The following RNF150 variants were observed in gnomAD, a reference collection of about 807,000 sequenced individuals.
RNF150 encodes ring finger protein 150.
RNF150 carries 24 observed loss-of-function variants against 39.3 expected under a neutral mutation model. The ratio of observed to expected loss-of-function variants is 0.61; its 90% CI spans 0.44 to 0.86. The LOEUF (loss-of-function observed/expected upper bound fraction) is 0.86. Ranked by LOEUF, RNF150 falls within the 40% of genes least tolerant of loss-of-function variation. The probability of loss-of-function intolerance (pLI) is 0.00; values close to 1 mark genes in which losing one functional copy is unlikely to be tolerated. For missense variants in RNF150, 502 were observed against 587.8 expected, an observed-to-expected ratio of 0.85 and a Z score of 1.51; for synonymous variants, 255 against 227.3, an observed-to-expected ratio of 1.12 and a Z score of -1.10.
chr4:141,094,822 T>C (rs1200187527), intron 1 of RNF150, among the ~76,000 whole-genome samples: 3 of 152,250 alleles, frequency 2.0e-5, no homozygotes, highest in African/African-American at 4.8e-5. Flanking sequence ...TCATCAAGCA[T>C]TGGTAAACAT....
chr4:140,903,573 A>G (rs1246566143), intron 6 of RNF150, among the ~76,000 whole-genome samples: 2 of 152,206 alleles, frequency 1.3e-5, no homozygotes, highest in African/African-American at 4.8e-5. Flanking sequence ...ATCCATGCAC[A>G]GTGTGTCAGT....
intron 5 of RNF150, among the ~76,000 whole-genome samples, chr4:140,918,857 C>T (rs192982454): frequency 6.6e-6 from 1 of 152,166 alleles, no homozygotes; most frequent in Non-Finnish European, 1.5e-5. Context: ...GGGCTTCATC[C>T]CTGGGATGAA....
rs553125651 is a variant in RNF150 at position 141,166,486 on chromosome 4, C to T, written c.-6+46308G>A. On this transcript the variant is annotated intron_variant, in intron 1 of 7. Coordinates refer to the RNF150 transcript ENST00000420921. ...ATACCAAAACCTGGCAGAGACACAA[C>T]AGAAAAAGAAAATTTCAGGCTAATA... 8.0e-4 allele frequency among the ~76,000 whole-genome samples: 122 copies of T among 152,216 alleles called. 1 individual carries two copies. Among genetic ancestry groups the T allele is most frequent in the African/African-American group, 2.9e-3 (120 of 41,536 alleles).
intron 1 of RNF150, among the ~76,000 whole-genome samples, chr4:141,090,761 C>CCCTGCT (rs1738549190): frequency 6.6e-6 from 1 of 151,958 alleles, no homozygotes; most frequent in African/African-American, 2.4e-5. Flanking sequence ...GCTGCTCAGC[C>CCCTGCT]CCTGGTGATT....
chr4:141,160,108 T>A (rs753133070), intron 1 of RNF150, among the ~76,000 whole-genome samples: 5 of 152,168 alleles, frequency 3.3e-5, no homozygotes, highest in African/African-American at 1.2e-4. Context: ...ACTGAGCTGG[T>A]TCAGCAATCT....
chr4:141,123,419 C>G (rs1418407337), intron 1 of RNF150, among the ~76,000 whole-genome samples: 1 of 152,206 alleles, frequency 6.6e-6, no homozygotes, highest in African/African-American at 2.4e-5. Context: ...AAGCCAGCAT[C>G]TGGTTCCAGG....
chr4:141,100,036 C>G (rs906362345), intron 1 of RNF150, among the ~76,000 whole-genome samples: 1 of 152,106 alleles, frequency 6.6e-6, no homozygotes, highest in Admixed American at 6.5e-5. Context: ...AACTGATAAA[C>G]ATGAAAATAT....
chr4:140,908,446 G>T (rs966121304), intron 6 of RNF150, among the ~76,000 whole-genome samples: 1 of 152,150 alleles, frequency 6.6e-6, no homozygotes, highest in African/African-American at 2.4e-5. Flanking sequence ...GAAACTGATA[G>T]CCATATTCAT....
chr4:140,930,885 C>T (rs1731605449), intron 4 of RNF150, among the ~76,000 whole-genome samples: 1 of 151,384 alleles, frequency 6.6e-6, no homozygotes, highest in South Asian at 2.1e-4. Flanking sequence ...GCATCACAGT[C>T]ATTTAGCGAT....
At chr4:140,929,260 C>T (rs1298508020) in intron 4 of RNF150, among the ~76,000 whole-genome samples, 3 of 151,984 alleles carry the variant, frequency 2.0e-5, no homozygotes, top group African/African-American at 7.2e-5. Context: ...AAGCCTTCCC[C>T]AGAGTCTCTG....
At chr4:141,087,184 C>T (rs922334615) in intron 1 of RNF150, among the ~76,000 whole-genome samples, 5 of 152,046 alleles carry the variant, frequency 3.3e-5, no homozygotes, top group South Asian at 2.1e-4. Context: ...TGTTGCCTTG[C>T]GTTCATAAGT....
intron 4 of RNF150, among the ~76,000 whole-genome samples, chr4:140,927,481 C>A (rs1052818459): frequency 6.6e-6 from 1 of 151,940 alleles, no homozygotes; most frequent in African/African-American, 2.4e-5. Context: ...TGTGGCACTC[C>A]CCACCCCGCT....
intron 1 of RNF150, among the ~76,000 whole-genome samples, chr4:141,108,105 G>A (rs1739271128): frequency 6.6e-6 from 1 of 152,150 alleles, no homozygotes; most frequent in Non-Finnish European, 1.5e-5. Context: ...ATCATTCAGG[G>A]AGAAATGGTG....
intron 4 of RNF150, among the ~76,000 whole-genome samples, chr4:140,945,309 T>G (rs1732246054): frequency 6.6e-6 from 1 of 152,002 alleles, no homozygotes; most frequent in Admixed American, 6.6e-5. Context: ...TTTTTGTTAA[T>G]ATTTCCAAAA....
At chr4:140,936,768 T>G (rs1249913939) in intron 4 of RNF150, among the ~76,000 whole-genome samples, 2 of 152,194 alleles carry the variant, frequency 1.3e-5, no homozygotes, top group Non-Finnish European at 2.9e-5. Context: ...CATTCCCATT[T>G]TAACCTATCT....
At chr4:141,090,745 G>A (rs1436664357) in intron 1 of RNF150, among the ~76,000 whole-genome samples, 2 of 152,148 alleles carry the variant, frequency 1.3e-5, no homozygotes, top group Non-Finnish European at 2.9e-5. Context: ...ATCTTTAGAC[G>A]GAGCAGCTGC....
intron 1 of RNF150, among the ~76,000 whole-genome samples, chr4:141,009,152 G>T (rs1734972303): frequency 6.6e-6 from 1 of 152,120 alleles, no homozygotes; most frequent in Admixed American, 6.5e-5. Flanking sequence ...CTCTTGCATG[G>T]CTATGAAACA....
At position 140,998,444 on chromosome 4, in the gene RNF150, A is replaced by T. The variant is rs114500343; in HGVS notation, c.485-30571T>A. On this transcript the variant is annotated intron_variant, in intron 1 of 6. Coordinates refer to ENST00000515673, the MANE Select transcript of RNF150 (RefSeq NM_020724.2). ...ATCTACAAGCCAGGAACAGGAAGCC[A>T]ACTCTGCTGGAAACTTGATCTTGGA... Among the ~76,000 whole-genome samples, 504 of 152,338 alleles carry T rather than the reference A, an allele frequency of 3.3e-3. 2 individuals are homozygous for T. The highest frequency in any genetic ancestry group is 0.011 in the African/African-American group (460 of 41,576).
At chr4:141,195,833 G>A (rs1191440935) in intron 1 of RNF150, among the ~76,000 whole-genome samples, 4 of 152,170 alleles carry the variant, frequency 2.6e-5, no homozygotes, top group Non-Finnish European at 4.4e-5. Context: ...CATGCATCAC[G>A]ATTCTAGAGA....
Sources: gnomAD v4.1 joint callset for allele counts (sites outside exome capture counted in the v4.1 genomes callset) on GRCh38, gnomAD v4.1.1 for gene constraint, MANE v1.5 for transcripts, NCBI Gene and HGNC (gene_info 2026-07-23, HGNC 2026-07-21) for gene names.